Variants in RABGEF1 observed in about 807,000 individuals in gnomAD.
The protein encoded by RABGEF1 is RAB guanine nucleotide exchange factor 1.
Under a neutral mutation model 57.3 loss-of-function variants are expected in RABGEF1, and 26 were observed. The ratio of observed to expected loss-of-function variants is 0.45; its 90% CI spans 0.33 to 0.63. RABGEF1 has a LOEUF of 0.63. Ranked by LOEUF, RABGEF1 falls within the 20% of genes least tolerant of loss-of-function variation. The pLI is 0.02. For synonymous variants in RABGEF1, 185 were observed against 210.7 expected (o/e 0.88, Z 1.06); for missense variants, 464 against 607.6 (o/e 0.76, Z 2.48).
chr7:66,779,799 A>G (rs1321605413), intron 3 of RABGEF1, among the ~76,000 whole-genome samples: 1 of 151,884 alleles, frequency 6.6e-6, no homozygotes, highest in Non-Finnish European at 1.5e-5. Context: ...CATATTTCCT[A>G]CTTCTTCACT....
chr7:66,660,212 G>A, the RABGEF1 span, among the ~76,000 whole-genome samples: 1 of 152,100 alleles, frequency 6.6e-6, no homozygotes, highest in African/African-American at 2.4e-5. Flanking sequence ...GCCGGGTGTG[G>A]TGGCGGGCGC....
At chr7:66,767,565 A>G (rs754726438) in intron 1 of RABGEF1, among the ~76,000 whole-genome samples, 6 of 152,132 alleles carry the variant, frequency 3.9e-5, no homozygotes, top group Non-Finnish European at 8.8e-5. Flanking sequence ...CCCCAAATTC[A>G]TATGTTGAAA....
intron 1 of RABGEF1, among the ~76,000 whole-genome samples, chr7:66,706,670 T>G (rs1301663511): frequency 6.6e-6 from 1 of 151,468 alleles, no homozygotes; most frequent in African/African-American, 2.4e-5. Flanking sequence ...CGCCTCGGCC[T>G]CCCAAAGTGC....
chr7:66,666,156 G>A, the RABGEF1 span: 15 of 152,442 alleles, frequency 9.8e-5, no homozygotes, highest in African/African-American at 3.1e-4. Flanking sequence ...CGGCAAAGTG[G>A]GGACCGGAGT....
intron 2 of RABGEF1, among the ~76,000 whole-genome samples, chr7:66,773,083 G>GTT (rs375110748): frequency 1.7e-5 from 1 of 57,764 alleles, no homozygotes; most frequent in Non-Finnish European, 4.0e-5. Flanking sequence ...CTAGTTGTTT[G>GTT]TTTTTTTTTT....
At chr7:66,747,202 C>G (rs140017012) in intron 1 of RABGEF1, among the ~76,000 whole-genome samples, 121 of 152,250 alleles carry the variant, frequency 7.9e-4, no homozygotes, top group African/African-American at 2.8e-3. Flanking sequence ...GGTTAAAAGT[C>G]AGAAGTTAGA....
chr7:66,787,335 GATT>G (rs1221100507), intron 4 of RABGEF1, among the ~76,000 whole-genome samples: 1 of 111,476 alleles, frequency 9.0e-6, no homozygotes, highest in Non-Finnish European at 1.9e-5. Context: ...TGCCTGGCCT[GATT>G]TTTTTTTTTT....
intron 1 of RABGEF1, among the ~76,000 whole-genome samples, chr7:66,752,049 C>G (rs926175591): frequency 6.6e-6 from 1 of 151,998 alleles, no homozygotes; most frequent in Non-Finnish European, 1.5e-5. Context: ...AAAAAAAACC[C>G]GCAAAAAACT....
chr7:66,738,024 T>TG (rs1554311634), upstream of RABGEF1, among the ~76,000 whole-genome samples: 8,486 of 98,996 alleles, frequency 0.086, 283 homozygotes, highest in East Asian at 0.38. Flanking sequence ...GTTTTTTTTG[T>TG]TTTTTTTTTT....
At chr7:66,775,119 C>G in intron 2 of RABGEF1, 108 bp from the exon 3 acceptor site, 1 of 1,223,138 alleles carries the variant, frequency 8.2e-7, no homozygotes, top group Non-Finnish European at 1.1e-6. Flanking sequence ...TATTTAGTCT[C>G]TAGGTCTAAA....
chr7:66,789,466 A>G lies in RABGEF1; in HGVS notation c.513+5625A>G, dbSNP rs557719099. 6.6e-5 allele frequency among the ~76,000 whole-genome samples: 10 copies of G among 152,200 alleles called. No individual in the cohort carries two copies. The East Asian group carries it at 1.5e-3, about 24-fold the overall frequency. On this transcript the variant is annotated intron_variant, in intron 4 of 8. Coordinates refer to ENST00000284957, the MANE Select transcript of RABGEF1 (RefSeq NM_014504.3). ...GGGAGGCTGAGATGGGCGGATCACA[A>G]GGTCAGGAGATCGAGACCATCCTGG...
At chr7:66,746,618 CTTT>C (rs1206614304) in intron 1 of RABGEF1, among the ~76,000 whole-genome samples, 4 of 92,208 alleles carry the variant, frequency 4.3e-5, no homozygotes, top group Non-Finnish European at 6.3e-5. Context: ...ATAATATAAC[CTTT>C]TTTTTTTTTT....
intron 6 of RABGEF1, among the ~76,000 whole-genome samples, chr7:66,798,211 GGATT>G (rs1786464845): frequency 6.6e-6 from 1 of 152,178 alleles, no homozygotes. Context: ...CACTGGCATT[GGATT>G]GATGACATTT....
At chr7:66,716,340 G>A (rs1008261225) in intron 2 of RABGEF1, among the ~76,000 whole-genome samples, 3 of 152,042 alleles carry the variant, frequency 2.0e-5, no homozygotes, top group Admixed American at 2.0e-4. Context: ...CGGCTCATGC[G>A]TGTAATCCCA....
chr7:66,733,725 C>T (rs1176378606), intron 2 of RABGEF1, among the ~76,000 whole-genome samples: 1 of 151,558 alleles, frequency 6.6e-6, no homozygotes, highest in African/African-American at 2.4e-5. Context: ...CAAAAAAACC[C>T]TCCTAGGCCA....
chr7:66,686,512 A>C (rs1790660634), intron 1 of RABGEF1, among the ~76,000 whole-genome samples: 1 of 152,198 alleles, frequency 6.6e-6, no homozygotes, highest in South Asian at 2.1e-4. Context: ...ACATTTTGAA[A>C]ATCTTATTAA....
intron 1 of RABGEF1, among the ~76,000 whole-genome samples, chr7:66,741,956 G>A (rs1799066837): frequency 6.6e-6 from 1 of 150,756 alleles, no homozygotes; most frequent in African/African-American, 2.4e-5. Context: ...CTAACACGGT[G>A]AAACCCCGTC....
intron 1 of RABGEF1, among the ~76,000 whole-genome samples, chr7:66,761,587 G>T (rs1250338869): frequency 6.6e-6 from 1 of 152,110 alleles, no homozygotes; most frequent in Non-Finnish European, 1.5e-5. Flanking sequence ...AGTTCTCTTG[G>T]GTTTTTATGG....
Position 66,802,726 on chromosome 7 carries a change from A to C in RABGEF1, c.821-2414A>C, listed in dbSNP as rs151336531. Among the ~76,000 whole-genome samples the C allele has an allele frequency of 8.2e-3, 1,256 of 152,352 alleles. 16 individuals carry two copies. The highest frequency in any genetic ancestry group is 0.029 in the African/African-American group (1,189 of 41,580). On this transcript the variant is annotated intron_variant, in intron 7 of 8. Transcript: ENST00000284957. ...CTCTGCAGGATGAAGCATGTGGAAG[A>C]GATCCCTGGGGGTGTTTGTCTTTCT... is the stretch of plus-strand genomic sequence containing the variant.
Sources: gnomAD v4.1 joint callset for allele counts (sites outside exome capture counted in the v4.1 genomes callset) on GRCh38, gnomAD v4.1.1 for gene constraint, MANE v1.5 for transcripts, NCBI Gene and HGNC (gene_info 2026-07-23, HGNC 2026-07-21) for gene names.